ALK: variants seen among roughly 807,000 people sequenced by gnomAD.
ALK encodes the protein ALK tyrosine kinase receptor.
A neutral mutation model predicts 163.1 loss-of-function variants in ALK; 74 were observed. The ratio of observed to expected loss-of-function variants is 0.45; its 90% CI spans 0.38 to 0.55. The LOEUF (loss-of-function observed/expected upper bound fraction) is 0.55, where lower values mean the gene tolerates loss of function less well. ALK is among the 20% of genes least tolerant of loss of function. The probability of loss-of-function intolerance (pLI) is 0.00; values close to 1 mark genes in which losing one functional copy is unlikely to be tolerated. For missense variants in ALK, 2,063 were observed against 2,105.3 expected, an observed-to-expected ratio of 0.98 and a Z score of 0.39; for synonymous variants, 960 against 843.2, an observed-to-expected ratio of 1.14 and a Z score of -2.40.
chr2:29,468,853 CAAAAAAAA>C (rs70958265), intron 4 of ALK, among the ~76,000 whole-genome samples: 2 of 30,910 alleles, frequency 6.5e-5, no homozygotes, highest in African/African-American at 2.5e-4. Context: ...GACCCTGCCT[CAAAAAAAA>C]AAAAAAAAAA....
At chr2:29,222,272 C>T (rs2148168276) in intron 22 of ALK, 72 bp downstream of exon 22, 1 of 1,387,552 alleles carries the variant, frequency 7.2e-7, no homozygotes, top group South Asian at 1.2e-5. Flanking sequence ...AGATATCGAT[C>T]TGTTAGAAAC....
rs566283745 is a variant in ALK at position 29,564,521 on chromosome 2, G to T, written c.953-32405C>A. On this transcript the variant is annotated intron_variant, in intron 3 of 28. Transcript: ENST00000389048. ...TGTGGCAAAACGCCATCTCCTAGAAGATTTCCTGTCGCTACTGTTGTCATT... is the reference window on the plus strand; with the variant it reads ...TGTGGCAAAACGCCATCTCCTAGAATATTTCCTGTCGCTACTGTTGTCATT... Among the ~76,000 whole-genome samples, 3 of 151,602 alleles carry T rather than the reference G, an allele frequency of 2.0e-5. No individual in the cohort carries two copies. The South Asian group carries it at 6.3e-4, about 32-fold the overall frequency.
chr2:29,906,436 G>C (rs898882059), intron 1 of ALK, among the ~76,000 whole-genome samples: 1 of 152,060 alleles, frequency 6.6e-6, no homozygotes, highest in Admixed American at 6.5e-5. Flanking sequence ...AAAAGGGATA[G>C]GAGAGAAAGA....
intron 1 of ALK, among the ~76,000 whole-genome samples, chr2:29,829,437 A>G (rs1665301234): frequency 6.6e-6 from 1 of 152,050 alleles, no homozygotes. Flanking sequence ...GTTGGATGAG[A>G]TGCAGTCTCC....
chr2:29,338,862 C>T (rs1028644934), intron 5 of ALK, among the ~76,000 whole-genome samples: 8 of 152,226 alleles, frequency 5.3e-5, no homozygotes, highest in African/African-American at 1.9e-4. Context: ...TTGGGTTGCA[C>T]TGCAGAAATT....
intron 4 of ALK, among the ~76,000 whole-genome samples, chr2:29,494,977 A>G (rs181670194): frequency 1.0e-3 from 154 of 152,256 alleles, no homozygotes; most frequent in Non-Finnish European, 2.0e-3. Flanking sequence ...CAAAACATAG[A>G]TATCGCTCAC....
intron 4 of ALK, among the ~76,000 whole-genome samples, chr2:29,434,961 T>C (rs1291302603): frequency 6.6e-6 from 1 of 152,156 alleles, no homozygotes; most frequent in African/African-American, 2.4e-5. Context: ...GAAACTGAAA[T>C]TCAGAGAATT....
At chr2:29,217,114 G>T (rs968376913) in intron 23 of ALK, among the ~76,000 whole-genome samples, 1,938 of 94,928 alleles carry the variant, frequency 0.02, 63 homozygotes, top group African/African-American at 0.066. Flanking sequence ...GTGTCTGTGG[G>T]GGGGGGGCGT....
chr2:29,357,154 C>A (rs566431113), intron 5 of ALK, among the ~76,000 whole-genome samples: 1 of 152,294 alleles, frequency 6.6e-6, no homozygotes, highest in East Asian at 1.9e-4. Flanking sequence ...GATGAGCTAC[C>A]ACATGGGTTA....
intron 5 of ALK, among the ~76,000 whole-genome samples, chr2:29,358,424 T>A (rs1668303715): frequency 6.6e-6 from 1 of 152,162 alleles, no homozygotes; most frequent in African/African-American, 2.4e-5. Context: ...CTCACATAAA[T>A]ATTTAAGCCT....
chr2:29,842,447 C>A (rs1371794391), intron 1 of ALK, among the ~76,000 whole-genome samples: 1 of 152,196 alleles, frequency 6.6e-6, no homozygotes, highest in Non-Finnish European at 1.5e-5. Context: ...TTTACCAGGG[C>A]ACACAGCTAT....
intron 1 of ALK, among the ~76,000 whole-genome samples, chr2:29,809,837 C>A (rs1162744188): frequency 6.6e-6 from 1 of 152,184 alleles, no homozygotes; most frequent in Non-Finnish European, 1.5e-5. Flanking sequence ...GAAGTGGCTG[C>A]TGGATGGTCC....
At chr2:29,300,586 TAAGTC>T (rs1265173329) in intron 8 of ALK, among the ~76,000 whole-genome samples, 2 of 145,722 alleles carry the variant, frequency 1.4e-5, no homozygotes, top group African/African-American at 2.5e-5. Context: ...GCATGTGCCC[TAAGTC>T]AAGGCGAAAA....
rs779046707 is a variant in ALK, at chr2:29,328,454, A to G, written c.1310T>C (p.Leu437Pro). 6.2e-7 allele frequency: 1 copy of G among 1,614,190 alleles called. No individual in the cohort carries two copies. Among genetic ancestry groups the G allele is most frequent in the Admixed American group, 1.7e-5 (1 of 60,028 alleles). The change falls in exon 6 of 29, where the codon CTG becomes CCG. Residue 437 changes from leucine to proline, a missense_variant. By Grantham distance (98) the Leu-to-Pro change is moderately conservative. This residue lies in a region of ALK where 987 missense variants were observed against 939.5 expected (regional missense o/e 1.05). Coordinates refer to ENST00000389048, the MANE Select transcript of ALK (RefSeq NM_004304.5). ...EGTSPGSKMA[L>P]QSSFTCWNGT... ...ATTCCAACAAGTGAAGGAGCTCTGCAGGGCCATCTTGGAGCCTGGGGATGT... is the reference window on the plus strand; with the variant it reads ...ATTCCAACAAGTGAAGGAGCTCTGCGGGGCCATCTTGGAGCCTGGGGATGT...
intron 5 of ALK, among the ~76,000 whole-genome samples, chr2:29,344,499 C>T (rs1006951304): frequency 4.6e-5 from 7 of 152,154 alleles, no homozygotes; most frequent in Admixed American, 3.3e-4. Flanking sequence ...CAGGTGTAGG[C>T]ACTCTGGCGA....
At chr2:29,480,584 C>T (rs180740834) in intron 4 of ALK, among the ~76,000 whole-genome samples, 1 of 152,040 alleles carries the variant, frequency 6.6e-6, no homozygotes, top group African/African-American at 2.4e-5. Context: ...TGCCCCGTTG[C>T]CCCAGGGATG....
intron 4 of ALK, among the ~76,000 whole-genome samples, chr2:29,515,782 G>A (rs1672644583): frequency 6.6e-6 from 1 of 152,180 alleles, no homozygotes; most frequent in African/African-American, 2.4e-5. Context: ...CAGCACGGAA[G>A]ATGCAGATGT....
chr2:29,858,459 G>T (rs974709529), intron 1 of ALK, among the ~76,000 whole-genome samples: 1 of 151,940 alleles, frequency 6.6e-6, no homozygotes, highest in Non-Finnish European at 1.5e-5. Flanking sequence ...GAGGCCGGGT[G>T]CGGTGGCTCA....
chr2:29,216,617 C>T (rs1454015173), intron 23 of ALK, among the ~76,000 whole-genome samples: 1 of 151,774 alleles, frequency 6.6e-6, no homozygotes, highest in Non-Finnish European at 1.5e-5. Flanking sequence ...GTGTACGTGT[C>T]TGTGGTGTGC....
Sources: gnomAD v4.1 joint callset for allele counts (sites outside exome capture counted in the v4.1 genomes callset) on GRCh38, gnomAD v4.1.1 for gene constraint, gnomAD v4.1.1 regional missense constraint, MANE v1.5 for transcripts, NCBI Gene and HGNC (gene_info 2026-07-23, HGNC 2026-07-21) for gene names.